PTPRK: variants seen among roughly 807,000 people sequenced by gnomAD.
PTPRK encodes protein tyrosine phosphatase receptor type K.
A neutral mutation model predicts 178.0 loss-of-function variants in PTPRK; 75 were observed. The observed-to-expected ratio is 0.42, with a 90% CI of 0.35 to 0.51. PTPRK has a LOEUF of 0.51. Ranked by LOEUF, PTPRK falls within the 20% of genes least tolerant of loss-of-function variation. PTPRK has a pLI of 0.02. For synonymous variants in PTPRK, 637 were observed against 620.6 expected (o/e 1.03, Z -0.39); for missense variants, 1,441 against 1,797.8 (o/e 0.80, Z 3.59).
At position 128,082,873 on chromosome 6, in the gene PTPRK, A is replaced by G. The variant is rs79298399; in HGVS notation, c.1576-235T>C. On this transcript the variant is annotated intron_variant, in intron 9 of 29. Coordinates refer to ENST00000368226, the MANE Select transcript of PTPRK (RefSeq NM_002844.4). ...GAGTTATAGCTGACCAAATCAATAT[A>G]CATCTATTTTCTTCCATCAAAAAAA... Among the ~76,000 whole-genome samples, 724 of 152,162 alleles carry G rather than the reference A, an allele frequency of 4.8e-3. 5 individuals are homozygous for G. The highest frequency in any genetic ancestry group is 0.01 in the Middle Eastern group (3 of 294).
intron 1 of PTPRK, among the ~76,000 whole-genome samples, chr6:128,412,667 G>A (rs1024007286): frequency 6.6e-6 from 1 of 152,194 alleles, no homozygotes; most frequent in Admixed American, 6.5e-5. Context: ...GCAGAAAGAA[G>A]ATACATTTTT....
Position 128,089,991 on chromosome 6 carries a change from T to C in PTPRK, c.1164A>G (p.Glu388=). ...PPLITRTKCA[E]PMRTPKTLKI... is the part of the protein sequence containing the mutation. ...TTAATGTCTTTGGGGTTCTCATAGG[T>C]TCTGAAAAATAAATCAGAGTTGTAG... Residue 388 remains glutamate, a splice_region_variant and synonymous_variant, in exon 8 of 30, where the codon GAA becomes GAG. Coordinates refer to ENST00000368226, the MANE Select transcript of PTPRK (RefSeq NM_002844.4). The C allele has an allele frequency of 6.3e-7, 1 of 1,592,994 alleles. No homozygotes were observed. The highest frequency in any genetic ancestry group is 8.6e-7 in the Non-Finnish European group (1 of 1,161,216).
At chr6:128,156,406 G>A (rs1797957378) in intron 7 of PTPRK, among the ~76,000 whole-genome samples, 1 of 151,852 alleles carries the variant, frequency 6.6e-6, no homozygotes, top group South Asian at 2.1e-4. Context: ...AGGAAGCATG[G>A]CTTGGAGGCC....
chr6:128,361,958 T>C (rs938651255), intron 2 of PTPRK, among the ~76,000 whole-genome samples: 2 of 152,190 alleles, frequency 1.3e-5, no homozygotes, highest in Admixed American at 6.6e-5. Flanking sequence ...CAGAGTATGA[T>C]ACAAACCAGA....
intron 7 of PTPRK, among the ~76,000 whole-genome samples, chr6:128,178,914 G>T (rs1801500290): frequency 6.6e-6 from 1 of 151,838 alleles, no homozygotes; most frequent in South Asian, 2.1e-4. Flanking sequence ...AGTAACCATG[G>T]TTTCTCTCAA....
At chr6:128,021,180 T>C (rs1286950363) in intron 13 of PTPRK, among the ~76,000 whole-genome samples, 1 of 152,200 alleles carries the variant, frequency 6.6e-6, no homozygotes, top group Non-Finnish European at 1.5e-5. Flanking sequence ...CTTGGCTGTC[T>C]AAAATTTTCT....
Position 127,978,237 on chromosome 6 carries a change from C to T in PTPRK, c.3712-1183G>A, listed in dbSNP as rs188081685. Among the ~76,000 whole-genome samples the T allele has an allele frequency of 1.1e-3, 162 of 152,282 alleles. 1 individual carries two copies. The highest frequency in any genetic ancestry group is 3.7e-3 in the African/African-American group (154 of 41,560). On this transcript the variant is annotated intron_variant, in intron 25 of 29. Coordinates refer to ENST00000368226, the MANE Select transcript of PTPRK (RefSeq NM_002844.4). ...AAGGTTCATGAGTCATATTGTTTGG[C>T]TCTGTGTCCCCACCCAAATCTCACC...
intron 3 of PTPRK, among the ~76,000 whole-genome samples, chr6:128,307,680 G>GA (rs1268128872): frequency 1.3e-5 from 2 of 151,972 alleles, no homozygotes; most frequent in Non-Finnish European, 2.9e-5. Context: ...GAAAGGGAAA[G>GA]AAACACAAAT....
At chr6:128,128,255 A>T (rs376477715) in intron 7 of PTPRK, among the ~76,000 whole-genome samples, 1 of 152,310 alleles carries the variant, frequency 6.6e-6, no homozygotes, top group South Asian at 2.1e-4. Flanking sequence ...ATACATGAGG[A>T]TCAAAATCTG....
At chr6:128,339,925 A>T (rs572063704) in intron 2 of PTPRK, among the ~76,000 whole-genome samples, 134 of 152,246 alleles carry the variant, frequency 8.8e-4, no homozygotes, top group African/African-American at 3.1e-3. Flanking sequence ...TAAGAGAGGT[A>T]GTTTTGGCCA....
intron 13 of PTPRK, among the ~76,000 whole-genome samples, chr6:128,064,254 T>C (rs938297728): frequency 1.3e-5 from 2 of 152,178 alleles, no homozygotes; most frequent in Admixed American, 6.6e-5. Context: ...GAGCTAGCCA[T>C]CACAGATCTG....
rs367885275 is a variant in PTPRK at position 128,065,016 on chromosome 6, A to T, written c.2158-222T>A. On this transcript the variant is annotated intron_variant, in intron 12 of 29. Coordinates refer to ENST00000368226, the MANE Select transcript of PTPRK (RefSeq NM_002844.4). ...TATTTTAGTTTTTATAGAGATGTAAATATTTGTTTTTACCTTGCAATGAAA... is the reference window on the plus strand; with the variant it reads ...TATTTTAGTTTTTATAGAGATGTAATTATTTGTTTTTACCTTGCAATGAAA... Among the ~76,000 whole-genome samples, 548 of 152,302 alleles carry T rather than the reference A, an allele frequency of 3.6e-3. 3 individuals are homozygous for T. Among genetic ancestry groups the T allele is most frequent in the African/African-American group, 0.012 (517 of 41,584 alleles).
intron 1 of PTPRK, among the ~76,000 whole-genome samples, chr6:128,438,384 A>T (rs1032804196): frequency 2.0e-5 from 3 of 152,256 alleles, no homozygotes; most frequent in Non-Finnish European, 4.4e-5. Flanking sequence ...CTTCTTTGAA[A>T]TGGCAATCGC....
Position 127,977,111 on chromosome 6 carries a change from G to C in PTPRK, c.3712-57C>G, listed in dbSNP as rs1774693010. On this transcript the variant is annotated intron_variant, in intron 25 of 29. Coordinates refer to ENST00000368226, the MANE Select transcript of PTPRK (RefSeq NM_002844.4). Reference sequence around the variant, plus strand: ...AAAAACTTAAAATGTATGATCGGTTGTACAAACAGATACAATACACTTCAA... The same window carrying C: ...AAAAACTTAAAATGTATGATCGGTTCTACAAACAGATACAATACACTTCAA... The C allele has an allele frequency of 5.2e-6, 8 of 1,545,336 alleles. 1 individual carries two copies. The South Asian group carries it at 9.0e-5, about 17-fold the overall frequency.
intron 2 of PTPRK, among the ~76,000 whole-genome samples, chr6:128,375,284 G>A (rs927007812): frequency 1.3e-5 from 2 of 151,744 alleles, no homozygotes. Flanking sequence ...GGGGTTCAAT[G>A]GACATACAGT....
At chr6:128,433,993 G>A (rs560302003) in intron 1 of PTPRK, among the ~76,000 whole-genome samples, 13 of 151,700 alleles carry the variant, frequency 8.6e-5, no homozygotes, top group Admixed American at 7.3e-4. Context: ...CAAATCCCAA[G>A]TCAGAGATTT....
At chr6:128,354,864 A>G (rs1395958574) in intron 2 of PTPRK, among the ~76,000 whole-genome samples, 1 of 152,198 alleles carries the variant, frequency 6.6e-6, no homozygotes, top group East Asian at 1.9e-4. Context: ...TTTTAATCAC[A>G]CATGCTTTCA....
intron 7 of PTPRK, among the ~76,000 whole-genome samples, chr6:128,180,966 A>G (rs1801825145): frequency 6.6e-6 from 1 of 152,112 alleles, no homozygotes; most frequent in African/African-American, 2.4e-5. Flanking sequence ...TCTGTCTGAT[A>G]TTGGACAAGT....
At chr6:128,181,432 T>C (rs896618616) in intron 7 of PTPRK, among the ~76,000 whole-genome samples, 3 of 152,062 alleles carry the variant, frequency 2.0e-5, no homozygotes, top group Non-Finnish European at 4.4e-5. Context: ...ATTATATTAA[T>C]GGCAAATTCT....
Sources: allele counts gnomAD v4.1 joint callset (sites outside exome capture counted in the v4.1 genomes callset), GRCh38; gene constraint gnomAD v4.1.1; transcripts MANE v1.5; gene names NCBI Gene and HGNC (gene_info 2026-07-23, HGNC 2026-07-21).